The following PLXDC2 variants were observed in gnomAD, a reference collection of about 807,000 sequenced individuals.
PLXDC2 encodes the protein plexin domain-containing protein 2.
In PLXDC2, 40 loss-of-function variants were observed where a neutral mutation model predicts 68.9. That is an observed-to-expected ratio of 0.58 (90% CI 0.45 to 0.76). The LOEUF is 0.76. Ranked by LOEUF, PLXDC2 falls within the 30% of genes least tolerant of loss-of-function variation. The probability of loss-of-function intolerance (pLI) is 0.00; values close to 1 mark genes in which losing one functional copy is unlikely to be tolerated. For synonymous variants in PLXDC2, 243 were observed against 234.2 expected (o/e 1.04, Z -0.34); for missense variants, 644 against 661.9 (o/e 0.97, Z 0.30).
chr10:20,100,492 G>A (rs1002937965), intron 4 of PLXDC2, among the ~76,000 whole-genome samples: 5 of 152,058 alleles, frequency 3.3e-5, no homozygotes, highest in African/African-American at 1.2e-4. Context: ...ACATTGTGTT[G>A]TCATCAGCCA....
In PLXDC2 at chr10:19,865,836, C is replaced by G. The variant is rs76560440; in HGVS notation, c.112+48645C>G. Among the ~76,000 whole-genome samples the G allele has an allele frequency of 4.9e-3, 747 of 152,292 alleles. 6 individuals carry two copies. Among genetic ancestry groups the G allele is most frequent in the African/African-American group, 0.016 (659 of 41,560 alleles). ...GGAAATACACAGTCTTAACTTCCAGCTGCCTGACACATGATGAACACCTAC... is the reference window on the plus strand; with the variant it reads ...GGAAATACACAGTCTTAACTTCCAGGTGCCTGACACATGATGAACACCTAC... On this transcript the variant is annotated intron_variant, in intron 1 of 13. Coordinates refer to ENST00000377252, the MANE Select transcript of PLXDC2 (RefSeq NM_032812.9).
chr10:20,149,288 G>A (rs1228628490), intron 6 of PLXDC2, among the ~76,000 whole-genome samples: 2 of 130,056 alleles, frequency 1.5e-5, no homozygotes, highest in Non-Finnish European at 3.1e-5. Flanking sequence ...GCCCAGGCTG[G>A]AGTGCAATGG....
At chr10:20,142,552 G>C (rs947942394) in intron 4 of PLXDC2, among the ~76,000 whole-genome samples, 1 of 152,040 alleles carries the variant, frequency 6.6e-6, no homozygotes, top group African/African-American at 2.4e-5. Context: ...TAACATAGGA[G>C]CTATTGAAAG....
intron 1 of PLXDC2, among the ~76,000 whole-genome samples, chr10:19,896,459 T>G (rs1259912109): frequency 1.3e-5 from 2 of 152,208 alleles, no homozygotes; most frequent in African/African-American, 4.8e-5. Flanking sequence ...TTTTTGGGAT[T>G]GAATGAAGGA....
chr10:20,130,552 A>G (rs1833853323), intron 4 of PLXDC2, among the ~76,000 whole-genome samples: 1 of 152,132 alleles, frequency 6.6e-6, no homozygotes, highest in African/African-American at 2.4e-5. Flanking sequence ...AGTGGCAAGA[A>G]TGAGTATCCT....
chr10:19,820,184 T>C (rs1022114972), intron 1 of PLXDC2, among the ~76,000 whole-genome samples: 2 of 152,188 alleles, frequency 1.3e-5, no homozygotes, highest in African/African-American at 4.8e-5. Flanking sequence ...GGAATTATTA[T>C]AATCAGGAGA....
At chr10:19,843,802 G>C (rs2131320046) in intron 1 of PLXDC2, among the ~76,000 whole-genome samples, 1 of 152,250 alleles carries the variant, frequency 6.6e-6, no homozygotes, top group Admixed American at 6.5e-5. Flanking sequence ...GATAAAGAGA[G>C]GTTGGTTAGT....
intron 1 of PLXDC2, among the ~76,000 whole-genome samples, chr10:19,835,221 G>A (rs541715292): frequency 6.6e-6 from 1 of 152,216 alleles, no homozygotes; most frequent in East Asian, 1.9e-4. Flanking sequence ...TTGAGCCACC[G>A]CACCCAGACA....
chr10:20,254,997 A>G (rs779566442), intron 13 of PLXDC2, among the ~76,000 whole-genome samples: 2 of 152,234 alleles, frequency 1.3e-5, no homozygotes, highest in Non-Finnish European at 2.9e-5. Flanking sequence ...TCCTGAAACT[A>G]TAATAGTGTT....
chr10:20,253,299 A>G (rs1313780892), intron 13 of PLXDC2, among the ~76,000 whole-genome samples: 1 of 151,484 alleles, frequency 6.6e-6, no homozygotes, highest in Non-Finnish European at 1.5e-5. Flanking sequence ...TGGGAGAAGG[A>G]GGTTGCAGTG....
At chr10:20,201,125 C>T (rs771078315) in intron 9 of PLXDC2, among the ~76,000 whole-genome samples, 1 of 152,046 alleles carries the variant, frequency 6.6e-6, no homozygotes, top group Non-Finnish European at 1.5e-5. Context: ...TGGAATTAAC[C>T]CAGCTCTCCA....
intron 9 of PLXDC2, among the ~76,000 whole-genome samples, chr10:20,181,031 T>C (rs1834596355): frequency 6.6e-6 from 1 of 152,054 alleles, no homozygotes; most frequent in Admixed American, 6.6e-5. Context: ...GCTTTCATTT[T>C]GGTATACGGA....
At position 20,286,669 on chromosome 10, in the gene PLXDC2, G is replaced by T. The variant is rs1411773984; in HGVS notation, c.*6850G>T. ...AACCTAAGAGTGAGTGAATGGAGAT[G>T]ATTCATGGAAAAAAAAATAAAAATC... On this transcript the variant is annotated 3_prime_UTR_variant, in exon 14 of 14. Coordinates refer to ENST00000377252, the MANE Select transcript of PLXDC2 (RefSeq NM_032812.9). 1.3e-5 allele frequency: 2 copies of T among 151,996 alleles called. No individual in the cohort carries two copies. The highest frequency in any genetic ancestry group is 4.8e-5 in the African/African-American group (2 of 41,380). 9.4% of individuals were successfully genotyped at this position (151,996 alleles called of 1,614,324 possible).
In PLXDC2 at chr10:20,078,886, T is replaced by C. The variant is rs138411021; in HGVS notation, c.541+10647T>C. On this transcript the variant is annotated intron_variant, in intron 4 of 13. Coordinates refer to ENST00000377252, the MANE Select transcript of PLXDC2 (RefSeq NM_032812.9). ...CTTATTTTCCACAAGGTTTGAAATA[T>C]ATTATTTAAATTAACCTGATTTATT... is the stretch of plus-strand genomic sequence containing the variant. Among the ~76,000 whole-genome samples the C allele has an allele frequency of 1.7e-3, 253 of 152,284 alleles. 1 individual carries two copies. The highest frequency in any genetic ancestry group is 4.9e-3 in the African/African-American group (203 of 41,578).
chr10:19,983,117 G>A (rs922619679), intron 1 of PLXDC2, among the ~76,000 whole-genome samples: 1 of 151,998 alleles, frequency 6.6e-6, no homozygotes, highest in Non-Finnish European at 1.5e-5. Context: ...GCATATCTCT[G>A]TAGGTAACCT....
At chr10:19,943,588 G>A (rs144430540) in intron 1 of PLXDC2, among the ~76,000 whole-genome samples, 2 of 152,276 alleles carry the variant, frequency 1.3e-5, no homozygotes, top group African/African-American at 4.8e-5. Flanking sequence ...ATTGCTGTGC[G>A]TTGTAAAACA....
At position 19,970,760 on chromosome 10, in the gene PLXDC2, G is replaced by A. The variant is rs562918820; in HGVS notation, c.113-31015G>A. Among the ~76,000 whole-genome samples the A allele has an allele frequency of 1.6e-4, 25 of 152,276 alleles. No individual in the cohort carries two copies. In the South Asian group the frequency reaches 5.0e-3, roughly 30 times the overall value. Reference sequence around the variant, plus strand: ...GCCATGGTTCAGGAAGGAATTTCTGGGGAGTGGGATGCAACATCCGGGCAG... The same window carrying A: ...GCCATGGTTCAGGAAGGAATTTCTGAGGAGTGGGATGCAACATCCGGGCAG... On this transcript the variant is annotated intron_variant, in intron 1 of 13. Coordinates refer to ENST00000377252, the MANE Select transcript of PLXDC2 (RefSeq NM_032812.9).
At chr10:19,941,389 T>A (rs1833816309) in intron 1 of PLXDC2, among the ~76,000 whole-genome samples, 1 of 152,194 alleles carries the variant, frequency 6.6e-6, no homozygotes, top group Non-Finnish European at 1.5e-5. Flanking sequence ...TCCCACTGAA[T>A]GCAGGTGTCC....
At chr10:20,012,303 C>CTCTCTTTT (rs1835129350) in intron 2 of PLXDC2, among the ~76,000 whole-genome samples, 3 of 65,592 alleles carry the variant, frequency 4.6e-5, no homozygotes, top group African/African-American at 2.3e-4. Context: ...CTCTCTCTCT[C>CTCTCTTTT]TTTTTTATTT....
Sources: gnomAD v4.1 joint callset for allele counts (sites outside exome capture counted in the v4.1 genomes callset) on GRCh38, gnomAD v4.1.1 for gene constraint, MANE v1.5 for transcripts, NCBI Gene and HGNC (gene_info 2026-07-23, HGNC 2026-07-21) for gene names.